Variants in SNX10 observed in about 807,000 individuals in gnomAD.
SNX10 encodes the protein sorting nexin 10, also known as sorting nexin-10.
A neutral mutation model predicts 28.5 loss-of-function variants in SNX10; 25 were observed. The observed-to-expected ratio is 0.88, with a 90% CI of 0.64 to 1.22. The LOEUF (loss-of-function observed/expected upper bound fraction) is 1.22, where lower values mean the gene tolerates loss of function less well. Ranked by LOEUF, SNX10 falls within the 50% of genes most tolerant of loss-of-function variation. The pLI, the probability that SNX10 is intolerant of heterozygous loss-of-function variation, is 0.00. For synonymous variants in SNX10, 62 were observed against 81.4 expected, an observed-to-expected ratio of 0.76 and a Z score of 1.28; for missense variants, 223 against 242.6, an observed-to-expected ratio of 0.92 and a Z score of 0.54.
At chr7:26,315,633 A>G (rs971908305) in intron 1 of SNX10, among the ~76,000 whole-genome samples, 3 of 152,024 alleles carry the variant, frequency 2.0e-5, no homozygotes, top group African/African-American at 7.2e-5. Flanking sequence ...TCGCCACTGC[A>G]CTTCTAGCCT....
At chr7:26,313,208 CTT>C (rs950715242) in intron 1 of SNX10, among the ~76,000 whole-genome samples, 5 of 152,182 alleles carry the variant, frequency 3.3e-5, no homozygotes, top group East Asian at 1.9e-4. Flanking sequence ...CCTGCCCCCA[CTT>C]TTTAAAAAAA....
At chr7:26,332,458 A>T (rs899800799) in intron 1 of SNX10, among the ~76,000 whole-genome samples, 5 of 152,136 alleles carry the variant, frequency 3.3e-5, no homozygotes, top group African/African-American at 1.2e-4. Flanking sequence ...AAGTTGTAAG[A>T]GTTCTTGATA....
At chr7:26,317,290 G>A (rs965643379) in intron 1 of SNX10, among the ~76,000 whole-genome samples, 2 of 152,318 alleles carry the variant, frequency 1.3e-5, no homozygotes, top group South Asian at 4.1e-4. Context: ...TTTGAAAAGT[G>A]AGTAGGGTTA....
intron 2 of SNX10, among the ~76,000 whole-genome samples, chr7:26,359,398 C>A (rs1788976126): frequency 6.6e-6 from 1 of 152,140 alleles, no homozygotes; most frequent in Admixed American, 6.5e-5. Flanking sequence ...CCCGATCTCT[C>A]TTTTTCTTCT....
chr7:26,299,801 C>T (rs1189624857), intron 1 of SNX10, among the ~76,000 whole-genome samples: 2 of 152,146 alleles, frequency 1.3e-5, no homozygotes, highest in Non-Finnish European at 2.9e-5. Flanking sequence ...GTGGCTCACA[C>T]CTGTAATCCC....
At chr7:26,324,622 A>G (rs1787432898) in intron 1 of SNX10, among the ~76,000 whole-genome samples, 1 of 152,132 alleles carries the variant, frequency 6.6e-6, no homozygotes, top group Non-Finnish European at 1.5e-5. Flanking sequence ...CGGCCTCCCA[A>G]CATCCTGGGA....
rs985939125 is a variant in SNX10, at chr7:26,374,089, A to T, written c.*1517A>T. 1.3e-5 allele frequency: 2 copies of T among 152,162 alleles called. No individual in the cohort carries two copies. The highest frequency in any genetic ancestry group is 3.9e-4 in the East Asian group (2 of 5,182). 9.4% of individuals were successfully genotyped at this position (152,162 alleles called of 1,614,324 possible). A position where few individuals can be genotyped will look rare whatever the true frequency, so the allele number is the denominator to read the frequency against. On this transcript the variant is annotated 3_prime_UTR_variant, in exon 7 of 7. Coordinates refer to ENST00000338523, the MANE Select transcript of SNX10 (RefSeq NM_013322.3). ...GATTTAGTAATTTCTTACCATGCTA[A>T]TATGTAAAGTTCATGCCATCCAGGC...
Position 26,364,906 on chromosome 7 carries a change from CTATA to C in SNX10, c.213-138_213-135del. On this transcript the variant is annotated intron_variant, in intron 4 of 6. Coordinates refer to ENST00000338523, the MANE Select transcript of SNX10 (RefSeq NM_013322.3). This position sits in a 1 kb window ranked among gnomAD's most constrained non-coding sequence, Gnocchi z 4.9. ...ACTTCCTGATACCCTTATTATATAA[CTATA>C]TAATGTATAATCATAATTATAGAAT... 1 of 608,736 alleles carries C rather than the reference CTATA, an allele frequency of 1.6e-6. No homozygotes were observed. Among genetic ancestry groups the C allele is most frequent in the Admixed American group, 2.9e-5 (1 of 34,418 alleles). 37.7% of individuals were successfully genotyped at this position (608,736 alleles called of 1,614,324 possible). A position where few individuals can be genotyped will look rare whatever the true frequency, so the allele number is the denominator to read the frequency against.
intron 1 of SNX10, among the ~76,000 whole-genome samples, chr7:26,324,819 G>A (rs1438132924): frequency 6.6e-6 from 1 of 152,008 alleles, no homozygotes; most frequent in Non-Finnish European, 1.5e-5. Context: ...TTACTTCTCT[G>A]TTTTTCAAAT....
At chr7:26,320,372 C>T (rs949199911) in intron 1 of SNX10, among the ~76,000 whole-genome samples, 9 of 151,978 alleles carry the variant, frequency 5.9e-5, no homozygotes, top group Non-Finnish European at 1.0e-4. Context: ...CTCACCCATC[C>T]CACTTCTGTT....
At chr7:26,303,894 G>A (rs965081553) in intron 1 of SNX10, among the ~76,000 whole-genome samples, 1 of 152,114 alleles carries the variant, frequency 6.6e-6, no homozygotes, top group African/African-American at 2.4e-5. Flanking sequence ...CCCTGGTGTG[G>A]ATATCTAGCT....
chr7:26,315,675 A>T (rs1280414565), intron 1 of SNX10, among the ~76,000 whole-genome samples: 2 of 152,120 alleles, frequency 1.3e-5, no homozygotes, highest in African/African-American at 4.8e-5. Flanking sequence ...TCTCAAAAAA[A>T]AAAAAATTGC....
At chr7:26,360,446 G>A in intron 2 of SNX10, 1 of 154,914 alleles carries the variant, frequency 6.5e-6, no homozygotes, top group Non-Finnish European at 1.4e-5. Context: ...TAGAGATGGG[G>A]TTTCACCATG....
intron 1 of SNX10, among the ~76,000 whole-genome samples, chr7:26,326,949 CTTT>C (rs34664332): frequency 1.3e-4 from 16 of 119,800 alleles, no homozygotes; most frequent in Non-Finnish European, 8.6e-5. Context: ...TGTTAATTAT[CTTT>C]TTTTTTTTTT....
At chr7:26,347,401 A>T (rs1212694864) in intron 2 of SNX10, among the ~76,000 whole-genome samples, 2 of 152,156 alleles carry the variant, frequency 1.3e-5, no homozygotes, top group Non-Finnish European at 2.9e-5. Flanking sequence ...CTAGACGGGC[A>T]TGGTGGCCTG....
chr7:26,301,018 CCAAAAAA>C (rs1200857525), intron 1 of SNX10, among the ~76,000 whole-genome samples: 20 of 63,926 alleles, frequency 3.1e-4, no homozygotes, highest in Non-Finnish European at 4.6e-4. Context: ...TACTCTGTCT[CCAAAAAA>C]AAAAAAAAAA....
intron 1 of SNX10, among the ~76,000 whole-genome samples, chr7:26,295,315 G>C (rs534844961): frequency 2.6e-5 from 4 of 152,150 alleles, no homozygotes; most frequent in African/African-American, 9.6e-5. Flanking sequence ...ACCCACCTCA[G>C]CCTCCCAAAG....
intron 1 of SNX10, among the ~76,000 whole-genome samples, chr7:26,325,439 G>C (rs1787469623): frequency 6.7e-6 from 1 of 149,512 alleles, no homozygotes; most frequent in African/African-American, 2.5e-5. Flanking sequence ...TCAGCCTACT[G>C]AGTAGCTGGG....
intron 2 of SNX10, among the ~76,000 whole-genome samples, chr7:26,356,572 TG>T (rs1192456752): frequency 6.6e-5 from 10 of 152,162 alleles, no homozygotes; most frequent in Non-Finnish European, 1.5e-4. Context: ...TCCTACTAAT[TG>T]CAGAGTGGGG....
Sources: allele counts gnomAD v4.1 joint callset (sites outside exome capture counted in the v4.1 genomes callset), GRCh38; gene constraint gnomAD v4.1.1; non-coding constraint Gnocchi (gnomAD v3.1); transcripts MANE v1.5; gene names NCBI Gene and HGNC (gene_info 2026-07-23, HGNC 2026-07-21).